Variants in MAML2 observed in about 807,000 individuals in gnomAD.
The protein encoded by MAML2 is mastermind like transcriptional coactivator 2, also known as mastermind-like protein 2.
Under a neutral mutation model 96.1 loss-of-function variants are expected in MAML2, and 22 were observed. That is an observed-to-expected ratio of 0.23 (90% CI 0.16 to 0.33). The LOEUF (loss-of-function observed/expected upper bound fraction) is 0.33. MAML2 is among the 10% of genes least tolerant of loss of function. The pLI is 1.00. For synonymous variants in MAML2, 561 were observed against 521.3 expected (o/e 1.08, Z -1.04); for missense variants, 1,367 against 1,392.4 (o/e 0.98, Z 0.29).
intron 1 of MAML2, among the ~76,000 whole-genome samples, chr11:96,336,573 TA>T: frequency 6.6e-6 from 1 of 152,330 alleles, no homozygotes; most frequent in Middle Eastern, 3.4e-3. Flanking sequence ...CCTGTGAACA[TA>T]AACATATATA....
chr11:96,199,666 T>C (rs11604578), intron 1 of MAML2, among the ~76,000 whole-genome samples: 2,509 of 152,256 alleles, frequency 0.016, 76 homozygotes, highest in African/African-American at 0.055. Context: ...TCTGAGGTTT[T>C]ACCACGCCCC....
chr11:96,300,509 C>T (rs1271457922), intron 1 of MAML2, among the ~76,000 whole-genome samples: 1 of 152,126 alleles, frequency 6.6e-6, no homozygotes, highest in African/African-American at 2.4e-5. Context: ...CTAGACTTCT[C>T]CATCTTTACC....
chr11:96,230,850 T>A (rs920115215), intron 1 of MAML2, among the ~76,000 whole-genome samples: 1 of 152,258 alleles, frequency 6.6e-6, no homozygotes, highest in African/African-American at 2.4e-5. Flanking sequence ...TCTACCCAAA[T>A]AGCGGTGTTG....
At chr11:96,063,451 A>G (rs1034755253) in intron 2 of MAML2, among the ~76,000 whole-genome samples, 11 of 152,206 alleles carry the variant, frequency 7.2e-5, no homozygotes, top group Non-Finnish European at 1.3e-4. Context: ...TAAGAACTCA[A>G]TAAATTTTAT....
intron 1 of MAML2, among the ~76,000 whole-genome samples, chr11:96,313,110 A>T (rs1863567680): frequency 6.6e-6 from 1 of 152,158 alleles, no homozygotes; most frequent in South Asian, 2.1e-4. Context: ...CAACCATCTA[A>T]TCGTCATTAT....
intron 2 of MAML2, among the ~76,000 whole-genome samples, chr11:96,077,196 C>CT (rs1379994466): frequency 2.2e-5 from 3 of 135,104 alleles, no homozygotes; most frequent in Admixed American, 7.4e-5. Flanking sequence ...CTCTTTCTGA[C>CT]TTTTTACCCC....
chr11:96,159,788 C>T (rs1051108790), intron 1 of MAML2, among the ~76,000 whole-genome samples: 3 of 152,272 alleles, frequency 2.0e-5, no homozygotes, highest in South Asian at 2.1e-4. Flanking sequence ...GTACAGCTTA[C>T]GCTGCCAGCC....
intron 2 of MAML2, among the ~76,000 whole-genome samples, chr11:96,019,189 C>T (rs1457462817): frequency 6.6e-6 from 1 of 151,854 alleles, no homozygotes; most frequent in Non-Finnish European, 1.5e-5. Flanking sequence ...ATGGCAAATG[C>T]CTTAATGTAA....
At chr11:96,150,376 C>G (rs944364069) in intron 1 of MAML2, among the ~76,000 whole-genome samples, 2 of 152,174 alleles carry the variant, frequency 1.3e-5, no homozygotes, top group African/African-American at 4.8e-5. Flanking sequence ...CTAACCCAGA[C>G]TGGGAGCAGG....
At chr11:96,036,208 C>T (rs752106150) in intron 2 of MAML2, among the ~76,000 whole-genome samples, 2 of 151,882 alleles carry the variant, frequency 1.3e-5, no homozygotes, top group Non-Finnish European at 1.5e-5. Context: ...GTGGCTTAAC[C>T]CCACCGGAAT....
intron 1 of MAML2, among the ~76,000 whole-genome samples, chr11:96,133,004 G>A (rs968984771): frequency 2.4e-4 from 36 of 152,228 alleles, no homozygotes; most frequent in Middle Eastern, 3.4e-3. Context: ...ATTAAAATAT[G>A]TCTACTTAAG....
intron 1 of MAML2, among the ~76,000 whole-genome samples, chr11:96,317,635 A>T (rs768841520): frequency 6.6e-6 from 1 of 152,218 alleles, no homozygotes; most frequent in Non-Finnish European, 1.5e-5. Flanking sequence ...AAAGAAAATG[A>T]CAAGAGGAAC....
Position 96,341,910 on chromosome 11 carries a change from T to C in MAML2, c.-15A>G. Reference sequence around the variant, plus strand: ...GTGTCCCCCATCTTACCGGACACAATGATTGCTGCCTCTGGGATGGTGAGG... The same window carrying C: ...GTGTCCCCCATCTTACCGGACACAACGATTGCTGCCTCTGGGATGGTGAGG... On this transcript the variant is annotated 5_prime_UTR_variant, in exon 1 of 5. Coordinates refer to ENST00000524717, the MANE Select transcript of MAML2 (RefSeq NM_032427.4). 3 of 1,501,494 alleles carry C rather than the reference T, an allele frequency of 2.0e-6. No homozygotes were observed. The highest frequency in any genetic ancestry group is 2.5e-5 in the East Asian group (1 of 40,686). The allele number at this position is 1,501,494 out of a possible 1,614,324, so 93.0% of individuals were successfully genotyped here. A position where few individuals can be genotyped will look rare whatever the true frequency, so the allele number is the denominator to read the frequency against.
chr11:96,280,881 C>T (rs1329937033), intron 1 of MAML2, among the ~76,000 whole-genome samples: 7 of 152,112 alleles, frequency 4.6e-5, no homozygotes, highest in Non-Finnish European at 4.4e-5. Flanking sequence ...TATAAGCTCC[C>T]AGAGGGGTAG....
At chr11:96,010,301 G>A (rs1327396123) in intron 2 of MAML2, among the ~76,000 whole-genome samples, 1 of 152,170 alleles carries the variant, frequency 6.6e-6, no homozygotes, top group Non-Finnish European at 1.5e-5. Context: ...TTACTATTTA[G>A]AGATTTATAT....
chr11:96,111,945 T>A (rs1402920311), intron 1 of MAML2, among the ~76,000 whole-genome samples: 1 of 34,742 alleles, frequency 2.9e-5, no homozygotes, highest in Admixed American at 4.3e-4. Flanking sequence ...TTAGTTTTCT[T>A]TTTTTCTAAA....
chr11:96,160,681 G>A (rs1453987202), intron 1 of MAML2, among the ~76,000 whole-genome samples: 3 of 152,304 alleles, frequency 2.0e-5, no homozygotes, highest in South Asian at 4.1e-4. Context: ...GCCTGCCTCT[G>A]CTTCCCAAAG....
At chr11:96,296,979 C>T (rs1009999819) in intron 1 of MAML2, among the ~76,000 whole-genome samples, 1 of 152,156 alleles carries the variant, frequency 6.6e-6, no homozygotes, top group African/African-American at 2.4e-5. Context: ...TACTGTGGTG[C>T]CCAGCCAACT....
At chr11:96,113,893 T>C (rs895691717) in intron 1 of MAML2, among the ~76,000 whole-genome samples, 72 of 152,242 alleles carry the variant, frequency 4.7e-4, no homozygotes, top group African/African-American at 1.7e-3. Flanking sequence ...GGAGAGAATT[T>C]GAAGTCATTC....
Sources: gnomAD v4.1 joint callset for allele counts (sites outside exome capture counted in the v4.1 genomes callset) on GRCh38, gnomAD v4.1.1 for gene constraint, MANE v1.5 for transcripts, NCBI Gene and HGNC (gene_info 2026-07-23, HGNC 2026-07-21) for gene names.